Variants in PCDH9 observed in about 807,000 individuals in gnomAD.
PCDH9 encodes protocadherin 9, also known as protocadherin-9.
Under a neutral mutation model 70.6 loss-of-function variants are expected in PCDH9, and 24 were observed. The ratio of observed to expected loss-of-function variants is 0.34; its 90% CI spans 0.25 to 0.48. The LOEUF (loss-of-function observed/expected upper bound fraction) is 0.48, where lower values mean the gene tolerates loss of function less well. Among genes scored for constraint, PCDH9 ranks in the 20% least tolerant of loss-of-function variants. The probability of loss-of-function intolerance (pLI) is 0.99; values close to 1 mark genes in which losing one functional copy is unlikely to be tolerated. For synonymous variants in PCDH9, 562 were observed against 558.5 expected (o/e 1.01, Z -0.09); for missense variants, 1,281 against 1,503.6 (o/e 0.85, Z 2.45).
chr13:66,575,864 A>T (rs561965184), intron 4 of PCDH9, among the ~76,000 whole-genome samples: 1 of 152,270 alleles, frequency 6.6e-6, no homozygotes, highest in African/African-American at 2.4e-5. Context: ...GCCCTATGAG[A>T]TAAGAAACTA....
At chr13:66,646,952 A>G (rs2077779373) in intron 3 of PCDH9, among the ~76,000 whole-genome samples, 1 of 152,110 alleles carries the variant, frequency 6.6e-6, no homozygotes, top group Non-Finnish European at 1.5e-5. Context: ...CTGCCCTGTC[A>G]CAGTGGAAAG....
intron 4 of PCDH9, among the ~76,000 whole-genome samples, chr13:66,487,817 G>A (rs1044154819): frequency 9.9e-5 from 15 of 152,042 alleles, no homozygotes; most frequent in African/African-American, 3.6e-4. Flanking sequence ...GATAATTCAA[G>A]CCAGATGCAA....
intron 4 of PCDH9, among the ~76,000 whole-genome samples, chr13:66,482,905 C>T (rs1331098001): frequency 6.6e-6 from 1 of 152,122 alleles, no homozygotes; most frequent in East Asian, 1.9e-4. Context: ...TTTAACAGAA[C>T]AAATGGTTCT....
chr13:66,330,364 T>C (rs1399391030), intron 4 of PCDH9, among the ~76,000 whole-genome samples: 2 of 152,334 alleles, frequency 1.3e-5, no homozygotes, highest in East Asian at 3.9e-4. Context: ...TTAGAAGCAG[T>C]TGTCTATACA....
At chr13:66,856,623 T>C (rs367724616) in intron 3 of PCDH9, among the ~76,000 whole-genome samples, 11 of 152,096 alleles carry the variant, frequency 7.2e-5, no homozygotes, top group East Asian at 3.9e-4. Context: ...TTATAAGAGG[T>C]TTATCCACCC....
chr13:66,755,924 T>A (rs543835109), intron 3 of PCDH9, among the ~76,000 whole-genome samples: 1 of 152,240 alleles, frequency 6.6e-6, no homozygotes, highest in Non-Finnish European at 1.5e-5. Flanking sequence ...TGCAGTTGAG[T>A]GGCTTTCTGT....
intron 4 of PCDH9, among the ~76,000 whole-genome samples, chr13:66,517,595 G>GA (rs142819632): frequency 0.011 from 1,643 of 152,178 alleles, 38 homozygotes; most frequent in East Asian, 0.092. Flanking sequence ...CAGCATTAAA[G>GA]AAAAAACGTG....
At chr13:67,020,175 G>T (rs2084647049) in intron 2 of PCDH9, among the ~76,000 whole-genome samples, 1 of 151,914 alleles carries the variant, frequency 6.6e-6, no homozygotes, top group Non-Finnish European at 1.5e-5. Context: ...CTTACAAACA[G>T]AATCTATCTA....
At chr13:67,147,433 A>G (rs1454538919) in intron 2 of PCDH9, among the ~76,000 whole-genome samples, 2 of 152,190 alleles carry the variant, frequency 1.3e-5, no homozygotes, top group Admixed American at 6.5e-5. Flanking sequence ...TAGCAACAAC[A>G]TGCTGTTTGG....
intron 2 of PCDH9, among the ~76,000 whole-genome samples, chr13:66,979,637 G>T (rs144382581): frequency 3.4e-4 from 51 of 152,154 alleles, no homozygotes; most frequent in Non-Finnish European, 6.3e-4. Flanking sequence ...TCTCCTTCAA[G>T]ATCTCTACTT....
chr13:66,838,446 T>A (rs2081060828), intron 3 of PCDH9, among the ~76,000 whole-genome samples: 1 of 152,112 alleles, frequency 6.6e-6, no homozygotes, highest in Non-Finnish European at 1.5e-5. Context: ...ATAAAATAAA[T>A]ACTTTGTACA....
intron 2 of PCDH9, chr13:67,208,397 A>C (rs1252041089): frequency 6.6e-6 from 1 of 152,150 alleles, no homozygotes; most frequent in African/African-American, 2.4e-5. Flanking sequence ...TAGAAAGCAT[A>C]TCATGTTCAG....
In PCDH9 at chr13:66,544,921, T is replaced by C. The variant is rs1051776852; in HGVS notation, c.3340+86289A>G. On this transcript the variant is annotated intron_variant, in intron 4 of 4. Coordinates refer to ENST00000377865, the MANE Select transcript of PCDH9 (RefSeq NM_203487.3). ...CAGATCTTGTTTTACTCAGCAGGGTTGTGAACAGAAAACAAGTCTTGCAGG... is the reference window on the plus strand; with the variant it reads ...CAGATCTTGTTTTACTCAGCAGGGTCGTGAACAGAAAACAAGTCTTGCAGG... 7.2e-5 allele frequency among the ~76,000 whole-genome samples: 11 copies of C among 152,188 alleles called. 1 individual carries two copies. Among genetic ancestry groups the C allele is most frequent in the Admixed American group, 5.2e-4 (8 of 15,270 alleles).
At chr13:66,609,946 A>G (rs1039728596) in intron 4 of PCDH9, among the ~76,000 whole-genome samples, 14 of 142,726 alleles carry the variant, frequency 9.8e-5, no homozygotes, top group African/African-American at 3.4e-4. Context: ...GAGAAATAGC[A>G]TTTCCTTCTT....
At chr13:67,032,457 C>T (rs2084927379) in intron 2 of PCDH9, among the ~76,000 whole-genome samples, 1 of 152,146 alleles carries the variant, frequency 6.6e-6, no homozygotes, top group East Asian at 1.9e-4. Context: ...AGCCACAGTG[C>T]CCGGTCAACA....
chr13:67,121,731 A>C (rs1046786112), intron 2 of PCDH9, among the ~76,000 whole-genome samples: 2 of 152,182 alleles, frequency 1.3e-5, no homozygotes, highest in African/African-American at 4.8e-5. Context: ...TTTTTGTTTT[A>C]AAGTTTAGAA....
At chr13:66,738,379 A>G (rs1593981255) in intron 3 of PCDH9, among the ~76,000 whole-genome samples, 1 of 152,050 alleles carries the variant, frequency 6.6e-6, no homozygotes, top group East Asian at 1.9e-4. Flanking sequence ...AGATAAAACC[A>G]CAAAGATGGG....
rs1325436070 is a variant in PCDH9 at position 66,303,397 on chromosome 13, T to C, written c.*1258A>G. ...ATGATAACAAACAGTTAAACAGCAATAATTAGAGATTTATCCCTTTATTTC... is the reference window on the plus strand; with the variant it reads ...ATGATAACAAACAGTTAAACAGCAACAATTAGAGATTTATCCCTTTATTTC... On this transcript the variant is annotated 3_prime_UTR_variant, in exon 5 of 5. Coordinates refer to ENST00000377865, the MANE Select transcript of PCDH9 (RefSeq NM_203487.3). 2.0e-5 allele frequency: 3 copies of C among 152,498 alleles called. No individual in the cohort carries two copies. In the East Asian group the frequency reaches 5.8e-4, roughly 29 times the overall value. The allele number at this position is 152,498 out of a possible 1,614,324, so 9.4% of individuals were successfully genotyped here.
At chr13:66,908,155 C>T (rs1454365523) in intron 2 of PCDH9, among the ~76,000 whole-genome samples, 6 of 152,170 alleles carry the variant, frequency 3.9e-5, no homozygotes, top group African/African-American at 7.2e-5. Context: ...GTTTCAAGCA[C>T]GCCCATTCCA....
Sources: allele counts gnomAD v4.1 joint callset (sites outside exome capture counted in the v4.1 genomes callset), GRCh38; gene constraint gnomAD v4.1.1; transcripts MANE v1.5; gene names NCBI Gene and HGNC (gene_info 2026-07-23, HGNC 2026-07-21).